The following MYO16 variants were observed in gnomAD, a reference collection of about 807,000 sequenced individuals.
The protein encoded by MYO16 is myosin XVI, also known as unconventional myosin-XVI.
A neutral mutation model predicts 205.3 loss-of-function variants in MYO16; 94 were observed. The observed-to-expected ratio is 0.46, with a 90% CI of 0.39 to 0.54. The LOEUF is 0.54. Among genes scored for constraint, MYO16 ranks in the 20% least tolerant of loss-of-function variants. MYO16 has a pLI of 0.00. For missense variants in MYO16, 2,315 were observed against 2,387.5 expected (o/e 0.97, Z 0.63); for synonymous variants, 988 against 954.0 (o/e 1.04, Z -0.66).
chr13:108,852,713 C>T (rs528777164), intron 10 of MYO16, among the ~76,000 whole-genome samples: 2 of 152,110 alleles, frequency 1.3e-5, no homozygotes, highest in Non-Finnish European at 2.9e-5. Flanking sequence ...ACATGGTCTC[C>T]GTGGCCCCTA....
At chr13:108,495,818 G>T in the MYO16 span, among the ~76,000 whole-genome samples, 13 of 151,722 alleles carry the variant, frequency 8.6e-5, no homozygotes, top group African/African-American at 2.7e-4. Flanking sequence ...GGGCACAGGG[G>T]CAACTGCCGA....
At chr13:108,532,120 C>T in the MYO16 span, among the ~76,000 whole-genome samples, 4 of 151,974 alleles carry the variant, frequency 2.6e-5, no homozygotes, top group Admixed American at 2.6e-4. Context: ...GCAGGAGAAT[C>T]GCTTGAACCC....
rs200123682 is a variant in MYO16 at position 108,964,766 on chromosome 13, A to G, written c.2233A>G (p.Met745Val). Reference protein sequence around the residue: ...TTDIQYFKGDMIIRRHTIQIA... With the variant: ...TTDIQYFKGDVIIRRHTIQIA... ...TTTTCTTTCTACCATTTTAGGGGAT[A>G]TGATAATACGACGACATACCATACA... The change falls in exon 20 of 35, where the codon ATG (methionine) becomes GTG (valine). Residue 745 changes from methionine (M) to valine (V), a missense_variant. By Grantham distance (21) the Met-to-Val change is conservative (BLOSUM62 1). Around this residue, in one of 3 missense-constraint regions of MYO16, gnomAD observed 1,213 missense variants for 1,274.4 expected, o/e 0.95. Transcript: ENST00000457511. The G allele has an allele frequency of 3.3e-5, 54 of 1,614,002 alleles. No homozygotes were observed. In the East Asian group the frequency reaches 7.8e-4, roughly 23 times the overall value.
At chr13:108,737,605 G>A (rs1209589449) in intron 4 of MYO16, among the ~76,000 whole-genome samples, 9 of 151,838 alleles carry the variant, frequency 5.9e-5, no homozygotes, top group Admixed American at 5.9e-4. Context: ...TTCTTTTTTT[G>A]TTGTGTCTCT....
At chr13:108,587,323 GA>G in the MYO16 span, among the ~76,000 whole-genome samples, 5 of 152,218 alleles carry the variant, frequency 3.3e-5, no homozygotes, top group South Asian at 1.0e-3. Flanking sequence ...GGCTTTCTGA[GA>G]AAAGAATTCA....
the MYO16 span, among the ~76,000 whole-genome samples, chr13:108,526,195 T>C: frequency 6.6e-6 from 1 of 152,188 alleles, no homozygotes; most frequent in Non-Finnish European, 1.5e-5. Context: ...AGATACTATA[T>C]CTGATGAAAA....
At chr13:109,130,727 G>A (rs1876493250) in intron 31 of MYO16, among the ~76,000 whole-genome samples, 1 of 152,222 alleles carries the variant, frequency 6.6e-6, no homozygotes, top group African/African-American at 2.4e-5. Flanking sequence ...GCTGAAGGTG[G>A]TTGAGTTAGG....
At chr13:108,900,989 G>T (rs140723657) in intron 15 of MYO16, among the ~76,000 whole-genome samples, 1 of 152,162 alleles carries the variant, frequency 6.6e-6, no homozygotes, top group Non-Finnish European at 1.5e-5. Flanking sequence ...TGTCTTTTAC[G>T]GTTGTAGCAG....
intron 1 of MYO16, among the ~76,000 whole-genome samples, chr13:108,598,540 TG>T (rs1190799576): frequency 6.6e-6 from 1 of 152,344 alleles, no homozygotes; most frequent in East Asian, 1.9e-4. Flanking sequence ...CTTTTTGTTT[TG>T]TTTGTATTTT....
rs1876226481 is a variant in MYO16, at chr13:109,125,929, G to A, written c.3782+571G>A. On this transcript the variant is annotated intron_variant, in intron 30 of 34. Coordinates refer to ENST00000457511, the MANE Select transcript of MYO16 (RefSeq NM_001198950.3). This position sits in a 1 kb window ranked among gnomAD's most constrained non-coding sequence, Gnocchi z 4.0. ...TAGAGGCTTAGCTTAAAACAGAAAT[G>A]TGACGATCACCTGGTCCCTCTCCAT... Among the ~76,000 whole-genome samples the A allele has an allele frequency of 6.6e-6, 1 of 152,184 alleles. No individual in the cohort carries two copies. The highest frequency in any genetic ancestry group is 2.1e-4 in the South Asian group (1 of 4,828).
chr13:108,567,810 C>T, the MYO16 span, among the ~76,000 whole-genome samples: 2 of 152,078 alleles, frequency 1.3e-5, no homozygotes, highest in African/African-American at 4.8e-5. Flanking sequence ...CACTACCCAC[C>T]CCCCTGAAAA....
intron 12 of MYO16, among the ~76,000 whole-genome samples, chr13:108,873,086 T>A (rs991235725): frequency 6.6e-6 from 1 of 152,332 alleles, no homozygotes; most frequent in African/African-American, 2.4e-5. Context: ...ATTAAAACGA[T>A]CTTGTTGTCC....
intron 1 of MYO16, among the ~76,000 whole-genome samples, chr13:108,659,679 G>C (rs144487403): frequency 6.6e-6 from 1 of 152,232 alleles, no homozygotes; most frequent in Non-Finnish European, 1.5e-5. Context: ...TCTGCCACAT[G>C]TTAAGTGCTG....
At chr13:109,068,939 A>G (rs1887841972) in intron 27 of MYO16, among the ~76,000 whole-genome samples, 1 of 152,122 alleles carries the variant, frequency 6.6e-6, no homozygotes, top group Admixed American at 6.6e-5. Flanking sequence ...GTCAATAGTC[A>G]ACAATGTGTT....
At chr13:109,190,456 T>C (rs1205442822) in intron 34 of MYO16, among the ~76,000 whole-genome samples, 1 of 152,212 alleles carries the variant, frequency 6.6e-6, no homozygotes, top group African/African-American at 2.4e-5. Context: ...TGTGAGCTTA[T>C]AGAGAGTGCA....
At chr13:108,933,933 A>G (rs193090933) in intron 16 of MYO16, among the ~76,000 whole-genome samples, 36 of 152,226 alleles carry the variant, frequency 2.4e-4, no homozygotes, top group African/African-American at 7.9e-4. Flanking sequence ...CCATGATTTC[A>G]TTCTTTTTTA....
chr13:109,019,900 T>C lies in MYO16; in HGVS notation c.2785T>C (p.Tyr929His). ...CGGTACAGCCTTCACCATCATGCAC[T>C]ACGCAGGAAGGGTAAGTGGCCAGAA... ...DHGTAFTIMHYAGRVMYDVVG... is the reference protein window; with the variant it reads ...DHGTAFTIMHHAGRVMYDVVG... The change falls in exon 23 of 35, where the codon TAC (tyrosine) becomes CAC (histidine). Residue 929 changes from tyrosine to histidine, a missense_variant. Transcript: ENST00000457511. The C allele has an allele frequency of 6.2e-7, 1 of 1,614,134 alleles. No homozygotes were observed. Among genetic ancestry groups the C allele is most frequent in the Non-Finnish European group, 8.5e-7 (1 of 1,180,010 alleles).
Position 109,141,038 on chromosome 13 carries a change from A to G in MYO16, c.4826A>G (p.Tyr1609Cys). Residue 1609 changes from tyrosine (Y) to cysteine (C), a missense_variant, in exon 32 of 35, where the codon TAC becomes TGC. By Grantham distance (194) the Tyr-to-Cys change is radical. Coordinates refer to ENST00000457511, the MANE Select transcript of MYO16 (RefSeq NM_001198950.3). The surrounding 1 kb of genome is among the most constrained non-coding windows in gnomAD (Gnocchi z 4.1). ...PPPPGPPPAP[Y>C]RPCAHLAFPP... ...CCGCCCGGGCCGCCCCCCGCGCCCT[A>G]CAGGCCCTGCGCGCACTTGGCCTTC... 38 of 1,386,944 alleles carry G rather than the reference A, an allele frequency of 2.7e-5. No individual in the cohort carries two copies. The highest frequency in any genetic ancestry group is 3.5e-5 in the Non-Finnish European group (38 of 1,076,594). The allele number at this position is 1,386,944 out of a possible 1,614,324, so 85.9% of individuals were successfully genotyped here.
At chr13:108,810,037 G>C (rs1887238690) in intron 7 of MYO16, among the ~76,000 whole-genome samples, 2 of 152,206 alleles carry the variant, frequency 1.3e-5, no homozygotes, top group African/African-American at 4.8e-5. Flanking sequence ...CTGATCCATT[G>C]ATGGTTGCTT....
Sources: allele counts gnomAD v4.1 joint callset (sites outside exome capture counted in the v4.1 genomes callset), GRCh38; gene constraint gnomAD v4.1.1; regional missense constraint gnomAD v4.1.1; non-coding constraint Gnocchi (gnomAD v3.1); transcripts MANE v1.5; gene names NCBI Gene and HGNC (gene_info 2026-07-23, HGNC 2026-07-21).